GLIPR1L2: variants seen among roughly 807,000 people sequenced by gnomAD.
GLIPR1L2 encodes GLIPR1-like protein 2.
GLIPR1L2 carries 21 observed loss-of-function variants against 28.4 expected under a neutral mutation model. That is an observed-to-expected ratio of 0.74 (90% CI 0.52 to 1.06). The LOEUF (loss-of-function observed/expected upper bound fraction) is 1.06. GLIPR1L2 is among the 50% of genes least tolerant of loss of function. The probability of loss-of-function intolerance (pLI) is 0.00; values close to 1 mark genes in which losing one functional copy is unlikely to be tolerated. For synonymous variants in GLIPR1L2, 145 were observed against 139.3 expected (o/e 1.04, Z -0.29); for missense variants, 476 against 416.9 (o/e 1.14, Z -1.23).
At chr12:75,407,750 G>A (rs1345426629) in intron 1 of GLIPR1L2, among the ~76,000 whole-genome samples, 2 of 152,016 alleles carry the variant, frequency 1.3e-5, no homozygotes, top group African/African-American at 4.8e-5. Flanking sequence ...ATTTCCCTGT[G>A]GATAAGACCT....
intron 1 of GLIPR1L2, among the ~76,000 whole-genome samples, chr12:75,409,184 G>T (rs1001383199): frequency 7.9e-5 from 12 of 151,876 alleles, no homozygotes; most frequent in Non-Finnish European, 1.5e-4. Context: ...TTTATGTGTG[G>T]CCTAAGACAA....
intron 1 of GLIPR1L2, among the ~76,000 whole-genome samples, chr12:75,395,933 T>C (rs1316953191): frequency 6.6e-6 from 1 of 152,118 alleles, no homozygotes; most frequent in Non-Finnish European, 1.5e-5. Flanking sequence ...TCAATTTTCC[T>C]TTTCTTTTTA....
At chr12:75,410,310 A>G in intron 1 of GLIPR1L2, 124 bp from the exon 2 acceptor site, 2 of 899,060 alleles carry the variant, frequency 2.2e-6, no homozygotes, top group Non-Finnish European at 3.2e-6. Context: ...AAATTTCTCA[A>G]CCAAGATGCA....
intron 1 of GLIPR1L2, among the ~76,000 whole-genome samples, chr12:75,398,878 G>A (rs987010913): frequency 3.9e-5 from 6 of 152,060 alleles, no homozygotes; most frequent in Admixed American, 1.3e-4. Flanking sequence ...GAATATATAT[G>A]TGATTATCTA....
At chr12:75,408,824 C>G (rs1253743099) in intron 1 of GLIPR1L2, among the ~76,000 whole-genome samples, 1 of 151,934 alleles carries the variant, frequency 6.6e-6, no homozygotes, top group Non-Finnish European at 1.5e-5. Flanking sequence ...CCATTTAAAA[C>G]AGCCAAACTT....
At chr12:75,419,325 G>A (rs1368607347) in intron 3 of GLIPR1L2, among the ~76,000 whole-genome samples, 1 of 152,128 alleles carries the variant, frequency 6.6e-6, no homozygotes, top group East Asian at 1.9e-4. Context: ...TGAGTGAAAT[G>A]TCTGATTTTG....
chr12:75,391,596 G>T (rs933840257), intron 1 of GLIPR1L2: 9 of 1,284,100 alleles, frequency 7.0e-6, no homozygotes, highest in Non-Finnish European at 9.6e-6. Context: ...CTGAAGTGCA[G>T]ATTTTAAGGG....
intron 1 of GLIPR1L2, among the ~76,000 whole-genome samples, chr12:75,407,937 T>C (rs2045820945): frequency 6.6e-6 from 1 of 152,024 alleles, no homozygotes; most frequent in Admixed American, 6.6e-5. Context: ...CTTTTAAAAT[T>C]ATTTTTTAAT....
Position 75,431,276 on chromosome 12 carries a change from G to A in GLIPR1L2, c.*115G>A, listed in dbSNP as rs978883775. The A allele has an allele frequency of 2.6e-5, 15 of 581,662 alleles. No individual in the cohort carries two copies. The East Asian group carries it at 4.2e-4, about 16-fold the overall frequency. 36.0% of individuals were successfully genotyped at this position (581,662 alleles called of 1,614,324 possible). On this transcript the variant is annotated 3_prime_UTR_variant, in exon 6 of 6. Transcript: ENST00000550916. ...TGAGTTTTAACAAGAAAGAAAATAT[G>A]CAAACCACCATTGGAATGTTTTTTA...
intron 4 of GLIPR1L2, among the ~76,000 whole-genome samples, chr12:75,428,237 G>C (rs982733404): frequency 6.6e-6 from 1 of 152,184 alleles, no homozygotes; most frequent in Non-Finnish European, 1.5e-5. Context: ...TTGGGAACTG[G>C]AATAAAGGTC....
chr12:75,395,447 TG>T (rs2045672483), intron 1 of GLIPR1L2, among the ~76,000 whole-genome samples: 1 of 151,926 alleles, frequency 6.6e-6, no homozygotes, highest in Non-Finnish European at 1.5e-5. Flanking sequence ...AGGGTGATGC[TG>T]GCTTCATAGA....
intron 1 of GLIPR1L2, among the ~76,000 whole-genome samples, chr12:75,398,102 G>T (rs937846471): frequency 1.3e-5 from 2 of 151,516 alleles, no homozygotes; most frequent in Non-Finnish European, 2.9e-5. Context: ...AGGCCAAGGC[G>T]GGCAGATCAC....
chr12:75,395,604 T>A (rs2045673963), intron 1 of GLIPR1L2, among the ~76,000 whole-genome samples: 1 of 151,638 alleles, frequency 6.6e-6, no homozygotes, highest in Non-Finnish European at 1.5e-5. Context: ...GTTGGGAGAT[T>A]TGTATTACTG....
chr12:75,402,877 T>A, intron 1 of GLIPR1L2: 1 of 411,476 alleles, frequency 2.4e-6, no homozygotes, highest in Non-Finnish European at 4.9e-6. Flanking sequence ...TGGGTATAAA[T>A]CCCCACTTAT....
chr12:75,422,121 G>C (rs2045982566), intron 3 of GLIPR1L2, among the ~76,000 whole-genome samples: 2 of 151,632 alleles, frequency 1.3e-5, no homozygotes, highest in South Asian at 4.2e-4. Flanking sequence ...ATCCCGAGTA[G>C]CTGGGACTAC....
chr12:75,421,219 C>T (rs1270339942), intron 3 of GLIPR1L2, among the ~76,000 whole-genome samples: 1 of 152,164 alleles, frequency 6.6e-6, no homozygotes, highest in African/African-American at 2.4e-5. Context: ...TGAGTTTCTG[C>T]TCTGGCTGGG....
chr12:75,391,504 G>C, intron 1 of GLIPR1L2, 154 bp downstream of exon 1: 1 of 1,537,860 alleles, frequency 6.5e-7, no homozygotes, highest in Non-Finnish European at 8.7e-7. Flanking sequence ...AGTTTACACA[G>C]AGAAAAACTG....
chr12:75,405,643 G>T (rs1196044180), intron 1 of GLIPR1L2, among the ~76,000 whole-genome samples: 1 of 110,564 alleles, frequency 9.0e-6, no homozygotes, highest in Non-Finnish European at 2.1e-5. Flanking sequence ...GACGCAGTTT[G>T]TCAGTTTGCC....
At chr12:75,397,184 G>A (rs773917608) in intron 1 of GLIPR1L2, among the ~76,000 whole-genome samples, 1 of 151,768 alleles carries the variant, frequency 6.6e-6, no homozygotes, top group Non-Finnish European at 1.5e-5. Context: ...TAGAACTGCT[G>A]TTCATTCACT....
Sources: gnomAD v4.1 joint callset for allele counts (sites outside exome capture counted in the v4.1 genomes callset) on GRCh38, gnomAD v4.1.1 for gene constraint, MANE v1.5 for transcripts, NCBI Gene and HGNC (gene_info 2026-07-23, HGNC 2026-07-21) for gene names.